Variants in TRPC1 observed in about 807,000 individuals in gnomAD.
TRPC1 encodes transient receptor potential cation channel subfamily C member 1, also known as short transient receptor potential channel 1.
In TRPC1, 42 loss-of-function variants were observed where a neutral mutation model predicts 88.2. The observed-to-expected ratio is 0.48, with a 90% confidence interval of 0.37 to 0.62. The LOEUF is 0.62. TRPC1 is among the 20% of genes least tolerant of loss of function. The pLI is 0.00. For missense variants in TRPC1, 699 were observed against 957.3 expected (o/e 0.73, Z 3.56); for synonymous variants, 288 against 331.8 (o/e 0.87, Z 1.43).
intron 1 of TRPC1, among the ~76,000 whole-genome samples, chr3:142,726,049 C>T (rs1031669345): frequency 6.6e-6 from 1 of 152,086 alleles, no homozygotes; most frequent in African/African-American, 2.4e-5. Flanking sequence ...ACATCTACAA[C>T]GTCACAAAAA....
At chr3:142,743,922 T>A (rs572728440) in intron 3 of TRPC1, among the ~76,000 whole-genome samples, 74 of 151,948 alleles carry the variant, frequency 4.9e-4, no homozygotes, top group Non-Finnish European at 8.7e-4. Flanking sequence ...TGGAAGAAAA[T>A]GTAGGTGAAT....
intron 3 of TRPC1, among the ~76,000 whole-genome samples, chr3:142,747,779 T>A (rs1206797617): frequency 6.6e-6 from 1 of 152,226 alleles, no homozygotes; most frequent in East Asian, 1.9e-4. Context: ...CCTATTGCCC[T>A]TTTCAAGTAG....
chr3:142,759,486 G>A (rs189700027), intron 4 of TRPC1, among the ~76,000 whole-genome samples: 1 of 152,190 alleles, frequency 6.6e-6, no homozygotes, highest in East Asian at 1.9e-4. Context: ...TTTGAGAAGT[G>A]TCTGTTCATA....
At chr3:142,729,300 T>C (rs774321915) in intron 1 of TRPC1, among the ~76,000 whole-genome samples, 1 of 152,204 alleles carries the variant, frequency 6.6e-6, no homozygotes, top group East Asian at 1.9e-4. Flanking sequence ...ACTATACTTA[T>C]CAAGCTGTTA....
At chr3:142,730,749 AT>A (rs1195534351) in intron 1 of TRPC1, among the ~76,000 whole-genome samples, 1 of 151,938 alleles carries the variant, frequency 6.6e-6, no homozygotes, top group Non-Finnish European at 1.5e-5. Flanking sequence ...TCACATCATC[AT>A]TCTTTTTCCT....
chr3:142,742,031 CAT>C, intron 2 of TRPC1, among the ~76,000 whole-genome samples: 1 of 151,878 alleles, frequency 6.6e-6, no homozygotes, highest in East Asian at 1.9e-4. Flanking sequence ...GGTATGGTGG[CAT>C]GCACCTGTAG....
chr3:142,746,534 C>T (rs182223695), intron 3 of TRPC1, among the ~76,000 whole-genome samples: 12 of 152,012 alleles, frequency 7.9e-5, no homozygotes, highest in Admixed American at 4.6e-4. Context: ...AGTATATAAA[C>T]AAATTAGTCA....
chr3:142,760,359 T>C (rs1470490993), intron 4 of TRPC1, among the ~76,000 whole-genome samples: 1 of 152,186 alleles, frequency 6.6e-6, no homozygotes, highest in Non-Finnish European at 1.5e-5. Flanking sequence ...CAAAATATGT[T>C]CTCGGCACCT....
In TRPC1 at chr3:142,806,067, A is replaced by C. The variant is rs1319086361; in HGVS notation, c.2214A>C (p.Leu738=). 1.2e-6 allele frequency: 2 copies of C among 1,613,870 alleles called. No homozygotes were observed. The highest frequency in any genetic ancestry group is 2.7e-5 in the African/African-American group (2 of 74,930). ...ACTATCAAAAAGTGATGTGCTGCCT[A>C]GTGCATCGTTACTTGACTTCCATGA... ...DENYQKVMCC[L]VHRYLTSMRQ... Residue 738 remains leucine, a synonymous_variant, in exon 13 of 13, where the codon CTA becomes CTC. Coordinates refer to ENST00000476941, the MANE Select transcript of TRPC1 (RefSeq NM_001251845.2).
intron 4 of TRPC1, among the ~76,000 whole-genome samples, chr3:142,749,439 C>G (rs1934672994): frequency 6.6e-6 from 1 of 151,908 alleles, no homozygotes; most frequent in South Asian, 2.1e-4. Context: ...GGAAATATTC[C>G]AAAAGAAGGC....
At chr3:142,728,962 A>G (rs548958750) in intron 1 of TRPC1, among the ~76,000 whole-genome samples, 2 of 152,260 alleles carry the variant, frequency 1.3e-5, no homozygotes, top group African/African-American at 4.8e-5. Context: ...ACTTTGCAGA[A>G]ATGAGAGGTA....
At chr3:142,790,684 G>A (rs898848363) in intron 7 of TRPC1, among the ~76,000 whole-genome samples, 6 of 151,924 alleles carry the variant, frequency 3.9e-5, no homozygotes, top group African/African-American at 9.7e-5. Context: ...GTGTGTCTCC[G>A]TGTATGTTTG....
intron 4 of TRPC1, among the ~76,000 whole-genome samples, chr3:142,763,941 T>C (rs1167666056): frequency 1.8e-5 from 2 of 109,862 alleles, no homozygotes; most frequent in African/African-American, 7.0e-5. Context: ...AGAGCGAGAC[T>C]CCGTCTCAAA....
intron 4 of TRPC1, among the ~76,000 whole-genome samples, chr3:142,761,396 A>G (rs1233307702): frequency 6.6e-6 from 1 of 152,240 alleles, no homozygotes; most frequent in Non-Finnish European, 1.5e-5. Context: ...ATGTTGAATC[A>G]TTCTTGCATC....
At chr3:142,778,537 T>C (rs1935858764) in intron 5 of TRPC1, among the ~76,000 whole-genome samples, 2 of 152,186 alleles carry the variant, frequency 1.3e-5, no homozygotes, top group African/African-American at 4.8e-5. Context: ...GCGTTGAGAT[T>C]TTCCTTTATG....
intron 4 of TRPC1, among the ~76,000 whole-genome samples, chr3:142,759,121 T>C (rs1935089053): frequency 6.6e-6 from 1 of 152,180 alleles, no homozygotes; most frequent in African/African-American, 2.4e-5. Flanking sequence ...TTGTGAATAA[T>C]GCCACAATAA....
At chr3:142,787,323 A>G (rs1307130595) in intron 7 of TRPC1, among the ~76,000 whole-genome samples, 1 of 152,204 alleles carries the variant, frequency 6.6e-6, no homozygotes, top group Non-Finnish European at 1.5e-5. Flanking sequence ...GCATGGAGGA[A>G]TATTTTGCTT....
chr3:142,744,641 A>G (rs1008272287), intron 3 of TRPC1, among the ~76,000 whole-genome samples: 3 of 152,178 alleles, frequency 2.0e-5, no homozygotes, highest in Non-Finnish European at 4.4e-5. Context: ...TAAAATACTT[A>G]CCACGGTTAA....
chr3:142,745,996 A>T (rs1934538336), intron 3 of TRPC1, among the ~76,000 whole-genome samples: 1 of 152,134 alleles, frequency 6.6e-6, no homozygotes, highest in Non-Finnish European at 1.5e-5. Context: ...ACCTAAGGTG[A>T]TCTACCCTTC....
Sources: allele counts gnomAD v4.1 joint callset (sites outside exome capture counted in the v4.1 genomes callset), GRCh38; gene constraint gnomAD v4.1.1; transcripts MANE v1.5; gene names NCBI Gene and HGNC (gene_info 2026-07-23, HGNC 2026-07-21).